TSNARE1: variants seen among roughly 807,000 people sequenced by gnomAD.
TSNARE1 encodes the protein t-SNARE domain containing 1, also known as t-SNARE domain-containing protein 1.
In TSNARE1, 49 loss-of-function variants were observed where a neutral mutation model predicts 62.0. The ratio of observed to expected loss-of-function variants is 0.79; its 90% confidence interval spans 0.63 to 1.00. The LOEUF (loss-of-function observed/expected upper bound fraction) is 1.00. Ranked by LOEUF, TSNARE1 falls within the 50% of genes least tolerant of loss-of-function variation. The pLI is 0.00. For missense variants in TSNARE1, 755 were observed against 700.1 expected, an observed-to-expected ratio of 1.08 and a Z score of -0.88; for synonymous variants, 328 against 294.4, an observed-to-expected ratio of 1.11 and a Z score of -1.17.
intron 1 of TSNARE1, among the ~76,000 whole-genome samples, chr8:142,392,364 G>T (rs906482102): frequency 2.6e-5 from 4 of 152,014 alleles, no homozygotes; most frequent in Non-Finnish European, 4.4e-5. Flanking sequence ...CTAAAATAAC[G>T]ATAAAAAGTA....
chr8:142,235,985 G>C (rs887173817), intron 12 of TSNARE1, among the ~76,000 whole-genome samples: 1 of 152,166 alleles, frequency 6.6e-6, no homozygotes, highest in South Asian at 2.1e-4. Flanking sequence ...TCCCCCAGGG[G>C]AGACGGGCTC....
chr8:142,364,327 T>C (rs1835381043), intron 1 of TSNARE1, among the ~76,000 whole-genome samples: 2 of 152,208 alleles, frequency 1.3e-5, no homozygotes, highest in Admixed American at 1.3e-4. Context: ...GATTAGAACT[T>C]GGAGGAGTCA....
intron 6 of TSNARE1, among the ~76,000 whole-genome samples, chr8:142,322,059 G>A (rs1829552658): frequency 6.6e-6 from 1 of 152,136 alleles, no homozygotes; most frequent in African/African-American, 2.4e-5. Flanking sequence ...ATGACCAAGA[G>A]GCATTTACCC....
intron 9 of TSNARE1, among the ~76,000 whole-genome samples, chr8:142,308,145 T>C (rs1826991764): frequency 6.6e-6 from 1 of 152,234 alleles, no homozygotes; most frequent in African/African-American, 2.4e-5. Flanking sequence ...TGTAAGTCCT[T>C]TTCACACGTG....
At chr8:142,273,966 T>A (rs1247983896) in intron 12 of TSNARE1, 46 of 984,958 alleles carry the variant, frequency 4.7e-5, no homozygotes, top group Admixed American at 1.2e-4. Context: ...CACTGCACCA[T>A]CTCGTCTGCC....
intron 1 of TSNARE1, among the ~76,000 whole-genome samples, chr8:142,382,639 G>A (rs959878686): frequency 6.6e-6 from 1 of 152,182 alleles, no homozygotes; most frequent in Non-Finnish European, 1.5e-5. Context: ...GCCACCCACT[G>A]TCACCTTCAG....
chr8:142,271,362 G>T, intron 12 of TSNARE1: 1 of 1,207,766 alleles, frequency 8.3e-7, no homozygotes, highest in South Asian at 3.9e-5. Context: ...AGTGTGCTCT[G>T]CTGCTGGGCC....
intron 1 of TSNARE1, among the ~76,000 whole-genome samples, chr8:142,374,572 C>T (rs543708305): frequency 6.8e-5 from 10 of 147,722 alleles, no homozygotes; most frequent in African/African-American, 1.8e-4. Context: ...CCAGGCTACT[C>T]GGGAAGCTGA....
chr8:142,328,424 T>C (rs1830552045), intron 6 of TSNARE1, among the ~76,000 whole-genome samples: 1 of 152,236 alleles, frequency 6.6e-6, no homozygotes, highest in African/African-American at 2.4e-5. Context: ...CCATTACCTT[T>C]ACCTGTTCAG....
intron 4 of TSNARE1, among the ~76,000 whole-genome samples, chr8:142,336,719 T>G (rs2129768555): frequency 6.6e-6 from 1 of 152,194 alleles, no homozygotes; most frequent in East Asian, 1.9e-4. Flanking sequence ...AGAATACACA[T>G]TCCTGCCAAA....
intron 1 of TSNARE1, among the ~76,000 whole-genome samples, chr8:142,399,621 C>A (rs116812613): frequency 0.018 from 2,783 of 152,312 alleles, 75 homozygotes; most frequent in South Asian, 0.084. Context: ...AGCTCTCCAA[C>A]TCTCTCACTC....
At chr8:142,282,240 A>G (rs879309103) in intron 11 of TSNARE1, among the ~76,000 whole-genome samples, 1,606 of 152,238 alleles carry the variant, frequency 0.011, 18 homozygotes, top group Non-Finnish European at 0.016. Flanking sequence ...GTACATCCAT[A>G]GCAGAACCAG....
intron 10 of TSNARE1, among the ~76,000 whole-genome samples, chr8:142,297,385 C>A (rs1183326419): frequency 6.6e-6 from 1 of 152,248 alleles, no homozygotes; most frequent in Admixed American, 6.5e-5. Context: ...TGCTTCCCCT[C>A]CCTGGGCCTC....
chr8:142,280,890 G>A (rs971709437), intron 11 of TSNARE1, among the ~76,000 whole-genome samples: 1 of 152,140 alleles, frequency 6.6e-6, no homozygotes, highest in Non-Finnish European at 1.5e-5. Flanking sequence ...GGGCCACAGA[G>A]CAGCTGGAGG....
rs571527343 is a variant in TSNARE1, at chr8:142,254,086, CCTT to C, written c.1446+20692_1446+20694del. Among the ~76,000 whole-genome samples, 53 of 152,292 alleles carry C rather than the reference CCTT, an allele frequency of 3.5e-4. 1 individual carries two copies. Among genetic ancestry groups the C allele is most frequent in the South Asian group, 6.2e-4 (3 of 4,838 alleles). ...TAAAATGCTCTGTGCCTCCCTTCCA[CCTT>C]CTTCTTGGCAGAAGGCACCAGACAG... On this transcript the variant is annotated intron_variant, in intron 12 of 13. Coordinates refer to ENST00000524325, the MANE Select transcript of TSNARE1 (RefSeq NM_145003.5).
chr8:142,231,915 G>C (rs949724602), intron 12 of TSNARE1, among the ~76,000 whole-genome samples: 1 of 152,242 alleles, frequency 6.6e-6, no homozygotes, highest in African/African-American at 2.4e-5. Context: ...TGCCATAAGA[G>C]TGCAAGGTGG....
intron 13 of TSNARE1, among the ~76,000 whole-genome samples, chr8:142,225,155 C>A (rs1416531947): frequency 6.6e-6 from 1 of 151,874 alleles, no homozygotes; most frequent in South Asian, 2.1e-4. Context: ...TGCCTCCCCC[C>A]TCCCCCCAGA....
chr8:142,303,843 G>C (rs1253199270), intron 9 of TSNARE1, among the ~76,000 whole-genome samples: 1 of 152,136 alleles, frequency 6.6e-6, no homozygotes. Context: ...CGTGGCATGA[G>C]GCTGGAGACA....
chr8:142,359,175 C>A (rs1048603073), intron 1 of TSNARE1, among the ~76,000 whole-genome samples: 1 of 152,120 alleles, frequency 6.6e-6, no homozygotes, highest in Non-Finnish European at 1.5e-5. Flanking sequence ...ACCCAGCTGT[C>A]CCACCGGGCC....
Sources: allele counts gnomAD v4.1 joint callset (sites outside exome capture counted in the v4.1 genomes callset), GRCh38; gene constraint gnomAD v4.1.1; transcripts MANE v1.5; gene names NCBI Gene and HGNC (gene_info 2026-07-23, HGNC 2026-07-21).